Variants in PDCD6IP observed in about 807,000 individuals in gnomAD.
PDCD6IP encodes the protein programmed cell death 6-interacting protein.
A neutral mutation model predicts 103.7 loss-of-function variants in PDCD6IP; 43 were observed. The observed-to-expected ratio is 0.41, with a 90% CI of 0.32 to 0.53. The LOEUF is 0.53. PDCD6IP is among the 20% of genes least tolerant of loss of function. The pLI, the probability that PDCD6IP is intolerant of heterozygous loss-of-function variation, is 0.16. For synonymous variants in PDCD6IP, 354 were observed against 378.7 expected (o/e 0.93, Z 0.76); for missense variants, 871 against 1,036.7 (o/e 0.84, Z 2.20).
chr3:33,851,562 A>C (rs9835924), intron 12 of PDCD6IP, among the ~76,000 whole-genome samples: 44,422 of 151,720 alleles, frequency 0.29, 6,735 homozygotes, highest in East Asian at 0.41. Flanking sequence ...GCCTTGACCC[A>C]CTGGGCTGAA....
In PDCD6IP at chr3:33,865,273, C is replaced by T. The variant is rs748441692; in HGVS notation, c.2275C>T (p.Pro759Ser). Reference sequence around the variant, plus strand: ...TAAGCCCCAGCCCCCAGCCAGGCCTCCACCACCTGTGCTTCCAGCAAATCG... The same window carrying T: ...TAAGCCCCAGCCCCCAGCCAGGCCTTCACCACCTGTGCTTCCAGCAAATCG... ...PTKPQPPARP[P>S]PPVLPANRAP... Residue 759 changes from proline to serine, a missense_variant, in exon 17 of 18, where the codon CCA becomes TCA. Physicochemically the swap from Pro to Ser is moderately conservative, Grantham distance 74. This residue lies in a region of PDCD6IP where 202 missense variants were observed against 205.2 expected (regional missense o/e 0.98). Coordinates refer to ENST00000307296, the MANE Select transcript of PDCD6IP (RefSeq NM_013374.6). 1 of 1,580,282 alleles carries T rather than the reference C, an allele frequency of 6.3e-7. No individual in the cohort carries two copies. Among genetic ancestry groups the T allele is most frequent in the South Asian group, 1.2e-5 (1 of 85,890 alleles).
intron 11 of PDCD6IP, among the ~76,000 whole-genome samples, chr3:33,844,557 T>C (rs1440704692): frequency 6.6e-6 from 1 of 152,188 alleles, no homozygotes; most frequent in African/African-American, 2.4e-5. Flanking sequence ...CACAGCTCGC[T>C]GCAGCCCCAA....
chr3:33,832,662 C>CT (rs1170686763), intron 7 of PDCD6IP, among the ~76,000 whole-genome samples: 3 of 152,120 alleles, frequency 2.0e-5, no homozygotes, highest in Non-Finnish European at 4.4e-5. Flanking sequence ...ACATTAGATT[C>CT]ACGGTATATA....
intron 7 of PDCD6IP, among the ~76,000 whole-genome samples, chr3:33,829,954 T>C (rs917670703): frequency 1.1e-4 from 16 of 152,280 alleles, no homozygotes; most frequent in African/African-American, 3.9e-4. Context: ...GGAGCCAAAC[T>C]GCTCAATGAA....
At position 33,868,558 on chromosome 3, in the gene PDCD6IP, C is replaced by T. The variant is rs1698117120; in HGVS notation, c.*2033C>T. On this transcript the variant is annotated 3_prime_UTR_variant, in exon 18 of 18. Coordinates refer to ENST00000307296, the MANE Select transcript of PDCD6IP (RefSeq NM_013374.6). ...AAATGTAGCAACACAAACCCTTTCC[C>T]TCTTGTCAGTTCACTCATCCTTTGG... 1.3e-5 allele frequency: 2 copies of T among 152,588 alleles called. No homozygotes were observed. Among genetic ancestry groups the T allele is most frequent in the South Asian group, 2.1e-4 (1 of 4,828 alleles). The allele number at this position is 152,588 out of a possible 1,614,324, so 9.5% of individuals were successfully genotyped here. A position where few individuals can be genotyped will look rare whatever the true frequency, so the allele number is the denominator to read the frequency against.
intron 15 of PDCD6IP, among the ~76,000 whole-genome samples, chr3:33,858,549 G>A (rs975980957): frequency 6.6e-6 from 1 of 152,104 alleles, no homozygotes; most frequent in Non-Finnish European, 1.5e-5. Flanking sequence ...GGTGGCTCAC[G>A]CCTGAAATCC....
At chr3:33,838,106 T>C in intron 8 of PDCD6IP, 98 bp from the exon 9 acceptor site, 1 of 1,024,228 alleles carries the variant, frequency 9.8e-7, no homozygotes. Flanking sequence ...TAAATATTTA[T>C]AGACTATGTG....
chr3:33,824,339 C>A (rs1376152992), intron 4 of PDCD6IP, among the ~76,000 whole-genome samples: 1 of 151,220 alleles, frequency 6.6e-6, no homozygotes, highest in African/African-American at 2.4e-5. Flanking sequence ...CTCACTGCAA[C>A]CTCCGCCTCC....
In PDCD6IP at chr3:33,865,437, C is replaced by A; in HGVS notation, c.2432+7C>A. On this transcript the variant is annotated splice_region_variant and intron_variant, in intron 17 of 17. Coordinates refer to ENST00000307296, the MANE Select transcript of PDCD6IP (RefSeq NM_013374.6). ...CCTATCCAGGATATCCTGGGTAAGG[C>A]TGCAACATTGTGTATCCCAAGTTGG... The A allele has an allele frequency of 6.4e-7, 1 of 1,573,968 alleles. No individual in the cohort carries two copies. The highest frequency in any genetic ancestry group is 8.6e-7 in the Non-Finnish European group (1 of 1,164,040).
intron 3 of PDCD6IP, among the ~76,000 whole-genome samples, chr3:33,815,842 G>C (rs750128212): frequency 3.9e-5 from 6 of 152,216 alleles, no homozygotes; most frequent in Non-Finnish European, 8.8e-5. Flanking sequence ...AAGCTCAGAA[G>C]AGAAAGATAT....
intron 1 of PDCD6IP, among the ~76,000 whole-genome samples, chr3:33,800,361 C>G (rs929639116): frequency 3.9e-5 from 6 of 152,032 alleles, no homozygotes; most frequent in Non-Finnish European, 8.8e-5. Flanking sequence ...CCATGGGAGG[C>G]TCCTGGGTTT....
chr3:33,803,767 GT>G (rs1160053841), intron 1 of PDCD6IP, among the ~76,000 whole-genome samples: 1 of 152,016 alleles, frequency 6.6e-6, no homozygotes, highest in Admixed American at 6.6e-5. Context: ...AGGCTTTTTG[GT>G]TGGTTTTCTG....
chr3:33,843,532 A>G (rs1697521165), intron 10 of PDCD6IP, among the ~76,000 whole-genome samples: 2 of 152,186 alleles, frequency 1.3e-5, no homozygotes, highest in South Asian at 4.1e-4. Flanking sequence ...AACCTAAAAT[A>G]TTTACTCTGT....
chr3:33,803,971 T>A (rs1696536005), intron 1 of PDCD6IP, among the ~76,000 whole-genome samples: 1 of 152,220 alleles, frequency 6.6e-6, no homozygotes, highest in Non-Finnish European at 1.5e-5. Context: ...ACTCTTTTAA[T>A]TTCTGAAATA....
chr3:33,808,164 A>G (rs754748052), intron 1 of PDCD6IP, among the ~76,000 whole-genome samples: 22 of 152,380 alleles, frequency 1.4e-4, no homozygotes, highest in Admixed American at 5.9e-4. Context: ...AAGACAATAA[A>G]CATAATCCCA....
At chr3:33,841,433 C>CTTTTTTTTTTTTTTTTTTTT (rs1301369045) in intron 9 of PDCD6IP, among the ~76,000 whole-genome samples, 6 of 60,946 alleles carry the variant, frequency 9.8e-5, no homozygotes, top group Admixed American at 5.0e-4. Flanking sequence ...CTTTGCTTTG[C>CTTTTTTTTTTTTTTTTTTTT]TTTTTTTTTT....
chr3:33,865,157 T>C, intron 16 of PDCD6IP, 86 bp from the exon 17 acceptor site: 1 of 874,022 alleles, frequency 1.1e-6, no homozygotes, highest in Non-Finnish European at 1.7e-6. Flanking sequence ...TTCTAGAGTT[T>C]CTCATATGTC....
chr3:33,855,522 T>A (rs150969061), intron 15 of PDCD6IP, among the ~76,000 whole-genome samples: 98 of 152,314 alleles, frequency 6.4e-4, no homozygotes, highest in African/African-American at 2.3e-3. Flanking sequence ...GTGGCAGATC[T>A]CAGGAAGTGC....
intron 13 of PDCD6IP, among the ~76,000 whole-genome samples, chr3:33,853,159 G>A (rs1219801276): frequency 6.6e-6 from 1 of 152,066 alleles, no homozygotes. Context: ...TCCTGACCTC[G>A]TGATCCTCCT....
Sources: gnomAD v4.1 joint callset for allele counts (sites outside exome capture counted in the v4.1 genomes callset) on GRCh38, gnomAD v4.1.1 for gene constraint, gnomAD v4.1.1 regional missense constraint, MANE v1.5 for transcripts, NCBI Gene and HGNC (gene_info 2026-07-23, HGNC 2026-07-21) for gene names.